The following INTS2 variants were observed in gnomAD, a reference collection of about 807,000 sequenced individuals.
INTS2 encodes the protein integrator complex subunit 2, also known as KIAA1287.
A neutral mutation model predicts 139.6 loss-of-function variants in INTS2; 57 were observed. The ratio of observed to expected loss-of-function variants is 0.41; its 90% CI spans 0.33 to 0.51. INTS2 has a LOEUF of 0.51. INTS2 is among the 20% of genes least tolerant of loss of function. INTS2 has a pLI of 0.28. For synonymous variants in INTS2, 473 were observed against 493.4 expected (o/e 0.96, Z 0.55); for missense variants, 1,196 against 1,436.7 (o/e 0.83, Z 2.71).
chr17:61,923,436 C>T (rs565589688), intron 3 of INTS2, among the ~76,000 whole-genome samples: 92 of 136,236 alleles, frequency 6.8e-4, no homozygotes, highest in Admixed American at 1.7e-3. Context: ...GAGATTGTGC[C>T]ACTGCACTCC....
rs930657802 is a variant in INTS2, at chr17:61,871,059, G to A, written c.2779-1071C>T. Reference sequence around the variant, plus strand: ...GCACTACACAGATGTTAGCTTTTATGATCTTCAATCCCTTATCTGAAACTC... The same window carrying A: ...GCACTACACAGATGTTAGCTTTTATAATCTTCAATCCCTTATCTGAAACTC... On this transcript the variant is annotated intron_variant, in intron 20 of 24. Transcript: ENST00000251334. The surrounding 1 kb of genome is among the most constrained non-coding windows in gnomAD (Gnocchi z 4.9). Among the ~76,000 whole-genome samples, 9 of 152,078 alleles carry A rather than the reference G, an allele frequency of 5.9e-5. No homozygotes were observed. Among genetic ancestry groups the A allele is most frequent in the Admixed American group, 6.5e-5 (1 of 15,270 alleles).
Position 61,909,528 on chromosome 17 carries a change from T to C in INTS2, c.955-1894A>G, listed in dbSNP as rs1447493246. Reference sequence around the variant, plus strand: ...CCCTGATAGTATACCCTGTACCCAATATAGGTAACTTCTCAACCCTCACCC... The same window carrying C: ...CCCTGATAGTATACCCTGTACCCAACATAGGTAACTTCTCAACCCTCACCC... On this transcript the variant is annotated intron_variant, in intron 7 of 24. Coordinates refer to ENST00000251334, the MANE Select transcript of INTS2 (RefSeq NM_001351695.2). The surrounding 1 kb of genome is among the most constrained non-coding windows in gnomAD (Gnocchi z 4.9). 6.6e-6 allele frequency among the ~76,000 whole-genome samples: 1 copy of C among 152,128 alleles called. No individual in the cohort carries two copies. Among genetic ancestry groups the C allele is most frequent in the Non-Finnish European group, 1.5e-5 (1 of 68,024 alleles).
chr17:61,891,935 GTTTTT>G (rs2079299136), intron 13 of INTS2, among the ~76,000 whole-genome samples: 1 of 152,056 alleles, frequency 6.6e-6, no homozygotes, highest in African/African-American at 2.4e-5. Context: ...TAATCTATTA[GTTTTT>G]AAGTAGTGGG....
intron 5 of INTS2, among the ~76,000 whole-genome samples, chr17:61,913,303 T>G (rs1567914341): frequency 6.9e-6 from 1 of 145,226 alleles, no homozygotes; most frequent in Non-Finnish European, 1.5e-5. Context: ...CTCATGCCAC[T>G]GCACTCCAGC....
intron 5 of INTS2, among the ~76,000 whole-genome samples, chr17:61,917,985 AT>A (rs2079600426): frequency 6.6e-6 from 1 of 152,226 alleles, no homozygotes; most frequent in African/African-American, 2.4e-5. Flanking sequence ...CTAAATGCAT[AT>A]AAACCCAACA....
intron 17 of INTS2, 30 bp downstream of exon 17, chr17:61,880,977 G>A (rs888357428): frequency 1.3e-6 from 2 of 1,554,814 alleles, no homozygotes; most frequent in Admixed American, 1.7e-5. Flanking sequence ...CTACAAAAGG[G>A]GTTAAAGGAG....
Position 61,878,055 on chromosome 17 carries a change from A to G in INTS2, c.2288T>C (p.Val763Ala). 1 of 1,612,778 alleles carries G rather than the reference A, an allele frequency of 6.2e-7. No homozygotes were observed. Among genetic ancestry groups the G allele is most frequent in the South Asian group, 1.1e-5 (1 of 91,062 alleles). The change falls in exon 18 of 25, where the codon GTG (valine) becomes GCG (alanine). Residue 763 changes from valine to alanine, a missense_variant. This residue lies in a region of INTS2 where 1,129 missense variants were observed against 1,341.9 expected (regional missense o/e 0.84). Transcript: ENST00000251334. The stretch of plus-strand genomic sequence containing the variant: ...AGTCAAGTGTTCTATAATCTGCATC[A>G]CTTGTGTGTTATTTACTGGGACAGC... ...FSAVPVNNTQ[V>A]MQIIEHLTLL...
chr17:61,884,356 T>C (rs1285053092), intron 16 of INTS2, among the ~76,000 whole-genome samples: 2 of 151,798 alleles, frequency 1.3e-5, no homozygotes, highest in African/African-American at 4.8e-5. Context: ...ACAGGCATGG[T>C]GGCGCACATG....
intron 7 of INTS2, among the ~76,000 whole-genome samples, chr17:61,908,833 G>A (rs911713413): frequency 2.0e-5 from 3 of 151,890 alleles, no homozygotes; most frequent in Admixed American, 2.0e-4. Context: ...TTTTCAAATG[G>A]GCTATAAAAT....
At chr17:61,898,221 A>G (rs2079369142) in intron 9 of INTS2, among the ~76,000 whole-genome samples, 1 of 151,078 alleles carries the variant, frequency 6.6e-6, no homozygotes. Context: ...TCTCAAAGTT[A>G]CAGAGAAATA....
chr17:61,867,821 G>T lies in INTS2; in HGVS notation c.3421+12C>A. On this transcript the variant is annotated intron_variant, in intron 24 of 24. Transcript: ENST00000251334. The surrounding 1 kb of genome is among the most constrained non-coding windows in gnomAD (Gnocchi z 5.6). Reference sequence around the variant, plus strand: ...ATATTAAGATAACCCTTGAAAATAAGTTACCACTTACGTGTAATAATTGGA... The same window carrying T: ...ATATTAAGATAACCCTTGAAAATAATTTACCACTTACGTGTAATAATTGGA... The T allele has an allele frequency of 6.4e-7, 1 of 1,572,742 alleles. No individual in the cohort carries two copies.
intron 7 of INTS2, 53 bp from the exon 8 acceptor site, chr17:61,907,687 T>A: frequency 7.0e-7 from 1 of 1,432,466 alleles, no homozygotes; most frequent in Non-Finnish European, 9.6e-7. Context: ...TTTACTAAAC[T>A]AAAAGGGAGC....
At chr17:61,883,285 G>A (rs1351120974) in intron 16 of INTS2, among the ~76,000 whole-genome samples, 1 of 151,698 alleles carries the variant, frequency 6.6e-6, no homozygotes, top group Admixed American at 6.6e-5. Flanking sequence ...GGCTGAGTAG[G>A]GCTCTTCACT....
At chr17:61,880,349 A>G (rs1315988696) in intron 17 of INTS2, among the ~76,000 whole-genome samples, 1 of 152,110 alleles carries the variant, frequency 6.6e-6, no homozygotes, top group Non-Finnish European at 1.5e-5. Flanking sequence ...CCCGGCCTAC[A>G]CTGCACTTAT....
intron 4 of INTS2, among the ~76,000 whole-genome samples, chr17:61,920,084 C>A (rs2079623370): frequency 6.6e-6 from 1 of 152,034 alleles, no homozygotes; most frequent in East Asian, 1.9e-4. Flanking sequence ...TAATCCACAG[C>A]CACAAAGAAC....
intron 17 of INTS2, among the ~76,000 whole-genome samples, chr17:61,880,269 A>G (rs1327185199): frequency 6.6e-6 from 1 of 151,602 alleles, no homozygotes; most frequent in African/African-American, 2.4e-5. Context: ...GATGGTCTCA[A>G]TCTCCTGACC....
Position 61,893,851 on chromosome 17 carries a change from C to T in INTS2, c.1612G>A (p.Ala538Thr). 1 of 1,581,736 alleles carries T rather than the reference C, an allele frequency of 6.3e-7. No homozygotes were observed. The highest frequency in any genetic ancestry group is 8.6e-7 in the Non-Finnish European group (1 of 1,163,086). The part of the protein sequence containing the change: ...VRVPVTSNLS[A>T]NITGFLPIHC... ...ATAGGCAAAAATCCAGTAATGTTGG[C>T]ACTCAGGTTGCTGGTGACAGGGACC... The change falls in exon 13 of 25, where the codon GCC becomes ACC. Residue 538 changes from alanine (A) to threonine (T), a missense_variant. Transcript: ENST00000251334. The surrounding 1 kb of genome is among the most constrained non-coding windows in gnomAD (Gnocchi z 5.4).
chr17:61,900,851 G>C (rs114387302), intron 9 of INTS2, among the ~76,000 whole-genome samples: 1 of 152,044 alleles, frequency 6.6e-6, no homozygotes, highest in Non-Finnish European at 1.5e-5. Context: ...CCAGCTACTC[G>C]GGAGGCTAAC....
Position 61,911,505 on chromosome 17 carries a change from A to G in INTS2, c.954+15T>C. The G allele has an allele frequency of 6.2e-6, 10 of 1,612,260 alleles. No individual in the cohort carries two copies. Among genetic ancestry groups the G allele is most frequent in the Non-Finnish European group, 7.6e-6 (9 of 1,178,622 alleles). On this transcript the variant is annotated intron_variant, in intron 7 of 24. Coordinates refer to ENST00000251334, the MANE Select transcript of INTS2 (RefSeq NM_001351695.2). ...GTATTCTGATCCTTAGCCTATACAG[A>G]TATTTAACCCTCACCTGCTGTCCAT...
Sources: gnomAD v4.1 joint callset for allele counts (sites outside exome capture counted in the v4.1 genomes callset) on GRCh38, gnomAD v4.1.1 for gene constraint, gnomAD v4.1.1 regional missense constraint, Gnocchi (gnomAD v3.1) non-coding constraint, MANE v1.5 for transcripts, NCBI Gene and HGNC (gene_info 2026-07-23, HGNC 2026-07-21) for gene names.